The following TOP3B variants were observed in gnomAD, a reference collection of about 807,000 sequenced individuals.
TOP3B encodes the protein DNA topoisomerase 3-beta-1.
A neutral mutation model predicts 93.9 loss-of-function variants in TOP3B; 45 were observed. That is an observed-to-expected ratio of 0.48 (90% CI 0.38 to 0.61). TOP3B has a LOEUF of 0.61. Ranked by LOEUF, TOP3B falls within the 20% of genes least tolerant of loss-of-function variation. The pLI, the probability that TOP3B is intolerant of heterozygous loss-of-function variation, is 0.00. For missense variants in TOP3B, 750 were observed against 1,156.1 expected (o/e 0.65, Z 5.09); for synonymous variants, 357 against 472.6 (o/e 0.76, Z 3.17).
rs574309425 is a variant in TOP3B, at chr22:21,971,063, T to A, written c.385-657A>T. On this transcript the variant is annotated intron_variant, in intron 5 of 17. Coordinates refer to ENST00000357179, the MANE Select transcript of TOP3B (RefSeq NM_001282112.2). This position sits in a 1 kb window ranked among gnomAD's most constrained non-coding sequence, Gnocchi z 4.6. ...TACTGGGAATAAGTGGCTTCATTTC[T>A]GAAGGGAGAAAGCCCCATGAGCTGC... is the stretch of plus-strand genomic sequence containing the variant. The A allele has an allele frequency of 1.5e-6, 2 of 1,303,026 alleles. No individual in the cohort carries two copies. Among genetic ancestry groups the A allele is most frequent in the East Asian group, 5.6e-5 (1 of 17,948 alleles). 80.7% of individuals were successfully genotyped at this position (1,303,026 alleles called of 1,614,324 possible). A position where few individuals can be genotyped will look rare whatever the true frequency, so the allele number is the denominator to read the frequency against.
intron 3 of TOP3B, 78 bp downstream of exon 3, chr22:21,974,279 C>A (rs1373815578): frequency 1.3e-6 from 2 of 1,528,066 alleles, no homozygotes; most frequent in East Asian, 2.3e-5. Context: ...TGCCTAGAGG[C>A]ATCTCCTGGC....
At chr22:21,958,470 A>C (rs1431076018) in intron 17 of TOP3B, 22 bp downstream of exon 17, 1 of 1,613,690 alleles carries the variant, frequency 6.2e-7, no homozygotes, top group Non-Finnish European at 8.5e-7. Context: ...ACCTGTGGAC[A>C]GGAGGGAGTG....
chr22:21,965,149 G>A (rs1175294401), intron 9 of TOP3B, 136 bp downstream of exon 9: 3 of 527,432 alleles, frequency 5.7e-6, no homozygotes, highest in African/African-American at 2.0e-5. Flanking sequence ...ACAACCTAAG[G>A]ATAAGTGAAA....
chr22:21,968,479 C>A (rs986942216), intron 7 of TOP3B, 140 bp downstream of exon 7: 2 of 1,054,918 alleles, frequency 1.9e-6, no homozygotes, highest in South Asian at 3.2e-5. Context: ...CAGCCCTAGG[C>A]ACCACAGACC....
Position 21,957,352 on chromosome 22 carries a change from T to C in TOP3B, c.2351A>G (p.Asn784Ser). 2 of 1,610,564 alleles carry C rather than the reference T, an allele frequency of 1.2e-6. No homozygotes were observed. Among genetic ancestry groups the C allele is most frequent in the Non-Finnish European group, 1.7e-6 (2 of 1,179,200 alleles). Residue 784 changes from asparagine to serine, a missense_variant, in exon 18 of 18, where the codon AAC becomes AGC. Physicochemically the swap from Asn to Ser is conservative, Grantham distance 46. Coordinates refer to ENST00000357179, the MANE Select transcript of TOP3B (RefSeq NM_001282112.2). The part of the protein sequence containing the change: ...CEAALLDVDF[N>S]KAKSPLPGDE... ...GCCCGGGAGTGGGGACTTGGCCTTG[T>C]TGAAGTCCACATCAAGCAAGGCGGC... is the stretch of plus-strand genomic sequence containing the variant.
Position 21,962,872 on chromosome 22 carries a change from T to C in TOP3B, c.1226A>G (p.Tyr409Cys), listed in dbSNP as rs745630821. ...GATGAAGTGTCTGGTGATGTACTCA[T>C]AGAGCCGCCACGCGTCACCCCCTGC... ...AELGGDAWRLYEYITRHFIAT... is the reference protein window; with the variant it reads ...AELGGDAWRLCEYITRHFIAT... The change falls in exon 12 of 18, where the codon TAT (tyrosine) becomes TGT (cysteine). Residue 409 changes from tyrosine (Y) to cysteine (C), a missense_variant. Transcript: ENST00000357179. The C allele has an allele frequency of 3.7e-6, 6 of 1,613,686 alleles. No homozygotes were observed. The highest frequency in any genetic ancestry group is 1.1e-5 in the South Asian group (1 of 91,076).
rs754092696 is a variant in TOP3B, at chr22:21,959,703, G to T, written c.1688C>A (p.Ala563Glu). 3 of 1,613,432 alleles carry T rather than the reference G, an allele frequency of 1.9e-6. No individual in the cohort carries two copies. The highest frequency in any genetic ancestry group is 2.2e-5 in the South Asian group (2 of 91,082). The change falls in exon 15 of 18, where the codon GCA becomes GAA. Residue 563 changes from alanine to glutamate, a missense_variant. By Grantham distance (107) the Ala-to-Glu change is moderately radical. This residue lies in a region of TOP3B where 737 missense variants were observed against 933.7 expected (regional missense o/e 0.79). Coordinates refer to ENST00000357179, the MANE Select transcript of TOP3B (RefSeq NM_001282112.2). ...GATCAGGTTCAGCTGCTTCTCCACT[G>T]CACTGCGGATGGTGGGGAGCACCAG... ...AELVLPTIRS[A>E]VEKQLNLIAQ...
At chr22:21,972,008 C>G (rs554288157) in intron 4 of TOP3B, 57 bp from the exon 5 acceptor site, 1 of 1,478,452 alleles carries the variant, frequency 6.8e-7, no homozygotes, top group African/African-American at 1.4e-5. Flanking sequence ...GTGCCACCCG[C>G]CCCCAGTGCT....
Position 21,968,694 on chromosome 22 carries a change from G to A in TOP3B, c.663C>T (p.Thr221=), listed in dbSNP as rs757213210. 6.2e-7 allele frequency: 1 copy of A among 1,614,162 alleles called. No homozygotes were observed. Among genetic ancestry groups the A allele is most frequent in the Non-Finnish European group, 8.5e-7 (1 of 1,180,016 alleles). ...CATGTCTCTCCACACAGAATCCCAG[G>A]GTTGGAGTCTGACACGGCCCAAAGG... ...LISFGPCQTP[T]LGFCVERHDK... Residue 221 remains threonine, a synonymous_variant, in exon 7 of 18, where the codon ACC becomes ACT. Transcript: ENST00000357179.
chr22:21,959,441 C>G, intron 15 of TOP3B, 146 bp downstream of exon 15: 1 of 1,503,018 alleles, frequency 6.7e-7, no homozygotes, highest in Non-Finnish European at 8.8e-7. Context: ...TTCAACCCAG[C>G]CAGGAGGTGT....
chr22:21,971,141 G>C lies in TOP3B; in HGVS notation c.385-735C>G. 1 of 906,590 alleles carries C rather than the reference G, an allele frequency of 1.1e-6. No homozygotes were observed. Among genetic ancestry groups the C allele is most frequent in the South Asian group, 1.4e-5 (1 of 70,164 alleles). 56.2% of individuals were successfully genotyped at this position (906,590 alleles called of 1,614,324 possible). A position where few individuals can be genotyped will look rare whatever the true frequency, so the allele number is the denominator to read the frequency against. On this transcript the variant is annotated intron_variant, in intron 5 of 17. Coordinates refer to ENST00000357179, the MANE Select transcript of TOP3B (RefSeq NM_001282112.2). This position sits in a 1 kb window ranked among gnomAD's most constrained non-coding sequence, Gnocchi z 4.6. ...GCCCCCAGGGAGGAGCCGCCCTGCA[G>C]GGGAGGAGAGGGTATCTGGGAAGAG...
Position 21,965,305 on chromosome 22 carries a change from C to A in TOP3B, c.923G>T (p.Arg308Leu). The part of the protein sequence containing the change: ...PLALNTVEML[R>L]VASSSLGMGP... ...CATACCCAGAGAAGAGCTGGCCACA[C>A]GCAGCATCTCCACAGTGTTCAGGGC... is the stretch of plus-strand genomic sequence containing the variant. Residue 308 changes from arginine (R) to leucine (L), a missense_variant, in exon 9 of 18, where the codon CGT (arginine) becomes CTT (leucine). Transcript: ENST00000357179. 1 of 1,599,690 alleles carries A rather than the reference C, an allele frequency of 6.3e-7. No homozygotes were observed. Among genetic ancestry groups the A allele is most frequent in the Non-Finnish European group, 8.5e-7 (1 of 1,172,536 alleles).
chr22:21,972,800 T>TTTGTGGGATGAGG, intron 3 of TOP3B, 82 bp from the exon 4 acceptor site: 5 of 1,154,834 alleles, frequency 4.3e-6, no homozygotes, highest in Non-Finnish European at 5.2e-6. Context: ...GTTGGCCTCA[T>TTTGTGGGATGAGG]CCCACAAATG....
chr22:21,979,800 G>A (rs546088434), intron 1 of TOP3B, among the ~76,000 whole-genome samples: 1 of 152,036 alleles, frequency 6.6e-6, no homozygotes, highest in Non-Finnish European at 1.5e-5. Flanking sequence ...AATTAGCTGG[G>A]CATGGTGGCA....
Position 21,963,667 on chromosome 22 carries a change from T to C in TOP3B, c.1204+256A>G. On this transcript the variant is annotated intron_variant, in intron 11 of 17. Transcript: ENST00000357179. The surrounding 1 kb of genome is among the most constrained non-coding windows in gnomAD (Gnocchi z 4.8). ...TGCCCCCTCCCCCACACCGCCACTC[T>C]CTACCCTGGTTTCATTCATGTCCCC... The C allele has an allele frequency of 3.9e-6, 2 of 508,114 alleles. No homozygotes were observed. The allele number at this position is 508,114 out of a possible 1,614,324, so 31.5% of individuals were successfully genotyped here.
chr22:21,967,624 T>G lies in TOP3B; in HGVS notation c.831A>C (p.Thr277=). 1 of 1,614,150 alleles carries G rather than the reference T, an allele frequency of 6.2e-7. No homozygotes were observed. The highest frequency in any genetic ancestry group is 8.5e-7 in the Non-Finnish European group (1 of 1,179,982). ...REIAQMFLNM[T]KLEKEAQVEA... is the part of the protein sequence containing the mutation. ...ACACCTGGGCTTCCTTCTCCAGCTTTGTCATGTTTAAAAACATCTGTGCGA... is the reference window on the plus strand; with the variant it reads ...ACACCTGGGCTTCCTTCTCCAGCTTGGTCATGTTTAAAAACATCTGTGCGA... Residue 277 remains threonine (T), a synonymous_variant, in exon 8 of 18, where the codon ACA becomes ACC. Coordinates refer to ENST00000357179, the MANE Select transcript of TOP3B (RefSeq NM_001282112.2).
Position 21,971,843 on chromosome 22 carries a change from C to A in TOP3B, c.384+34G>T. 1 of 1,611,142 alleles carries A rather than the reference C, an allele frequency of 6.2e-7. No individual in the cohort carries two copies. The highest frequency in any genetic ancestry group is 8.5e-7 in the Non-Finnish European group (1 of 1,177,452). ...AGTTTGGGGCTGGTGTCAGAAAGGC[C>A]AAAAGTGAGGAACAAAGTGAGCCTC... is the stretch of plus-strand genomic sequence containing the variant. On this transcript the variant is annotated intron_variant, in intron 5 of 17. Transcript: ENST00000357179. The surrounding 1 kb of genome is among the most constrained non-coding windows in gnomAD (Gnocchi z 4.6).
Position 21,975,638 on chromosome 22 carries a change from A to G in TOP3B, c.70+2T>C, listed in dbSNP as rs776673798. On this transcript the variant is annotated splice_donor_variant, in intron 2 of 17. Coordinates refer to ENST00000357179, the MANE Select transcript of TOP3B (RefSeq NM_001282112.2). LOFTEE classifies it high-confidence loss of function. ...GACCAAAGCAGGGCTGGTCTCTCCT[A>G]CCTCTAGAGAGGATTTTGGCAATTG... 1.2e-6 allele frequency: 2 copies of G among 1,609,926 alleles called. No individual in the cohort carries two copies. The highest frequency in any genetic ancestry group is 1.7e-4 in the Middle Eastern group (1 of 6,028).
intron 2 of TOP3B, 123 bp downstream of exon 2, chr22:21,975,517 C>T: frequency 5.2e-6 from 6 of 1,143,770 alleles, no homozygotes; most frequent in Non-Finnish European, 7.1e-6. Context: ...TGAGATGCTT[C>T]ATTACCACCT....
Sources: allele counts gnomAD v4.1 joint callset (sites outside exome capture counted in the v4.1 genomes callset), GRCh38; gene constraint gnomAD v4.1.1; regional missense constraint gnomAD v4.1.1; non-coding constraint Gnocchi (gnomAD v3.1); transcripts MANE v1.5; gene names NCBI Gene and HGNC (gene_info 2026-07-23, HGNC 2026-07-21).